The following ZNF320 variants were observed in gnomAD, a reference collection of about 807,000 sequenced individuals.
ZNF320 encodes the protein zinc finger gene 320.
In ZNF320, 2 loss-of-function variants were observed where a neutral mutation model predicts 6.8. That is an observed-to-expected ratio of 0.29 (90% CI 0.12 to 0.93). The LOEUF is 0.93. Among genes scored for constraint, ZNF320 ranks in the 40% least tolerant of loss-of-function variants. The pLI, the probability that ZNF320 is intolerant of heterozygous loss-of-function variation, is 0.55. For missense variants in ZNF320, 472 were observed against 611.0 expected (o/e 0.77, Z 2.40); for synonymous variants, 208 against 203.2 (o/e 1.02, Z -0.20).
chr19:52,884,453 G>A (rs543419921), intron 5 of ZNF320, among the ~76,000 whole-genome samples: 2 of 152,248 alleles, frequency 1.3e-5, no homozygotes, highest in African/African-American at 4.8e-5. Context: ...AAGTAGCTGG[G>A]ATTATAGGCG....
chr19:52,886,434 G>A (rs2064080502), intron 5 of ZNF320, among the ~76,000 whole-genome samples: 1 of 151,980 alleles, frequency 6.6e-6, no homozygotes, highest in Non-Finnish European at 1.5e-5. Context: ...CACCTGGCCA[G>A]GTTATGGAAA....
chr19:52,863,557 G>C lies in ZNF320; in HGVS notation c.*472C>G, dbSNP rs190144981. 5.2e-3 allele frequency among the ~76,000 whole-genome samples: 786 copies of C among 151,178 alleles called. 8 individuals carry two copies. Among genetic ancestry groups the C allele is most frequent in the African/African-American group, 0.016 (668 of 41,182 alleles). Reference sequence around the variant, plus strand: ...GGCAGAGGTTGCAGTGAGCCGAGATGGTGCCACTGCACTCCAGCCTGGGCT... The same window carrying C: ...GGCAGAGGTTGCAGTGAGCCGAGATCGTGCCACTGCACTCCAGCCTGGGCT... On this transcript the variant is annotated 3_prime_UTR_variant, in exon 6 of 6. Coordinates refer to the ZNF320 transcript ENST00000673631.
intron 5 of ZNF320, among the ~76,000 whole-genome samples, chr19:52,866,886 A>AG (rs2063584481): frequency 2.7e-5 from 4 of 148,748 alleles, no homozygotes; most frequent in African/African-American, 1.0e-4. Context: ...AAAAAAAAAA[A>AG]AAAAGAAAAG....
downstream of ZNF320, among the ~76,000 whole-genome samples, chr19:52,873,053 G>A (rs201952502): frequency 2.0e-5 from 3 of 152,102 alleles, no homozygotes; most frequent in East Asian, 5.8e-4. Flanking sequence ...GCCATAGGGC[G>A]GTTTTCTCCT....
rs766231206 is a variant in ZNF320, at chr19:52,880,349, AAAAT to A, written c.*243_*246del. ...GGCGACAGAGCAAGATTCCATCTTA[AAAAT>A]AAATAAATAAATAAAAGAACATACA... On this transcript the variant is annotated 3_prime_UTR_variant, in exon 6 of 6. Transcript: ENST00000682928. The A allele has an allele frequency of 8.8e-5, 35 of 399,010 alleles. No homozygotes were observed. Among genetic ancestry groups the A allele is most frequent in the South Asian group, 9.5e-5 (2 of 21,112 alleles). 24.7% of individuals were successfully genotyped at this position (399,010 alleles called of 1,614,324 possible). A position where few individuals can be genotyped will look rare whatever the true frequency, so the allele number is the denominator to read the frequency against.
At position 52,880,666 on chromosome 19, in the gene ZNF320, T is replaced by C; in HGVS notation, c.1460A>G (p.His487Arg). ...VFSLRSLLAE[H>R]QKIPFGDNCF... ...ATTGTCTCCAAAAGGAATTTTCTGA[T>C]GTTCTGCAAGGAGTGACCTCAGACT... Residue 487 changes from histidine to arginine, a missense_variant, in exon 6 of 6, where the codon CAT (histidine) becomes CGT (arginine). His to Arg is a conservative substitution (Grantham distance 29). Coordinates refer to ENST00000682928, the MANE Select transcript of ZNF320 (RefSeq NM_001351774.2). The C allele has an allele frequency of 1.9e-6, 3 of 1,613,688 alleles. No individual in the cohort carries two copies. Among genetic ancestry groups the C allele is most frequent in the Non-Finnish European group, 2.5e-6 (3 of 1,179,764 alleles).
intron 5 of ZNF320, among the ~76,000 whole-genome samples, chr19:52,869,656 C>T (rs1390948797): frequency 1.3e-5 from 2 of 152,126 alleles, no homozygotes; most frequent in Non-Finnish European, 2.9e-5. Flanking sequence ...CTTGCCTCAG[C>T]CTCCTGAGTA....
At chr19:52,883,836 T>C (rs186501208) in intron 5 of ZNF320, 42 of 314,206 alleles carry the variant, frequency 1.3e-4, no homozygotes, top group African/African-American at 7.8e-4. Flanking sequence ...GAGGCGGAGG[T>C]TGCAGTGAGC....
chr19:52,884,247 C>A (rs1051747870), intron 5 of ZNF320, among the ~76,000 whole-genome samples: 1 of 152,006 alleles, frequency 6.6e-6, no homozygotes, highest in Non-Finnish European at 1.5e-5. Context: ...CTTCCTTTTT[C>A]GTTTATTCTT....
In ZNF320 at chr19:52,881,901, C is replaced by T; in HGVS notation, c.225G>A (p.Gln75=). Residue 75 remains glutamine, a synonymous_variant, in exon 6 of 6, where the codon CAG becomes CAA. Coordinates refer to ENST00000682928, the MANE Select transcript of ZNF320 (RefSeq NM_001351774.2). The part of the protein sequence containing the change: ...NTEVIHTGTL[Q]RQASYHIGAF... ...CTCCAATGTGATAACTTGCTTGTCT[C>T]TGCAATGTCCCTGTGTGGATCACTT... is the stretch of plus-strand genomic sequence containing the variant. 6.2e-7 allele frequency: 1 copy of T among 1,613,496 alleles called. No homozygotes were observed. Among genetic ancestry groups the T allele is most frequent in the Non-Finnish European group, 8.5e-7 (1 of 1,179,614 alleles).
intron 5 of ZNF320, chr19:52,865,497 T>TTATATATGATC (rs2063534037): frequency 7.5e-6 from 1 of 133,610 alleles, no homozygotes; most frequent in South Asian, 2.1e-4. Context: ...ACATATATAT[T>TTATATATGATC]ATACATATAT....
chr19:52,871,253 G>A (rs2063675958), downstream of ZNF320, among the ~76,000 whole-genome samples: 1 of 152,128 alleles, frequency 6.6e-6, no homozygotes, highest in Non-Finnish European at 1.5e-5. Context: ...AGGAGTTTCA[G>A]GCTGCTGTAA....
In ZNF320 at chr19:52,866,385, C is replaced by G. The variant is rs375615796; in HGVS notation, c.224-2226G>C. Among the ~76,000 whole-genome samples, 311 of 151,820 alleles carry G rather than the reference C, an allele frequency of 2.0e-3. 1 individual carries two copies. Among genetic ancestry groups the G allele is most frequent in the Non-Finnish European group, 3.5e-3 (238 of 67,982 alleles). ...AAACCCCTCCTGCAGGAACCCTCCA[C>G]ATACATGTAGTGAAGTCAACACACT... On this transcript the variant is annotated intron_variant, in intron 5 of 5. Coordinates refer to the ZNF320 transcript ENST00000673631.
At chr19:52,889,045 G>C (rs764305870) in intron 4 of ZNF320, among the ~76,000 whole-genome samples, 1 of 151,998 alleles carries the variant, frequency 6.6e-6, no homozygotes, top group Non-Finnish European at 1.5e-5. Context: ...TTAGCTGGGC[G>C]TGGTGGCACG....
upstream of ZNF320, among the ~76,000 whole-genome samples, chr19:52,899,407 CTT>C (rs145370272): frequency 0.019 from 2,828 of 152,244 alleles, 95 homozygotes; most frequent in African/African-American, 0.065. Context: ...TTTCTACAAA[CTT>C]TTCCTTCAGC....
intron 5 of ZNF320, among the ~76,000 whole-genome samples, chr19:52,869,531 A>G (rs2063641029): frequency 6.6e-6 from 1 of 151,984 alleles, no homozygotes; most frequent in Non-Finnish European, 1.5e-5. Flanking sequence ...AATAATAATA[A>G]TGACAGGTTT....
rs1172521182 is a variant in ZNF320, at chr19:52,879,818, T to C, written c.*778A>G. 2 of 151,440 alleles carry C rather than the reference T, an allele frequency of 1.3e-5. No individual in the cohort carries two copies. The highest frequency in any genetic ancestry group is 2.9e-5 in the Non-Finnish European group (2 of 67,852). The allele number at this position is 151,440 out of a possible 1,614,324, so 9.4% of individuals were successfully genotyped here. A position where few individuals can be genotyped will look rare whatever the true frequency, so the allele number is the denominator to read the frequency against. On this transcript the variant is annotated 3_prime_UTR_variant, in exon 6 of 6. Coordinates refer to ENST00000682928, the MANE Select transcript of ZNF320 (RefSeq NM_001351774.2). ...AACAATAAACAATTTAAAAAGAAAA[T>C]TAAAAAAACACTTTCATTTGCTAAA...
intron 1 of ZNF320, among the ~76,000 whole-genome samples, chr19:52,896,971 G>A (rs766715710): frequency 2.0e-4 from 31 of 152,164 alleles, no homozygotes; most frequent in Admixed American, 7.2e-4. Context: ...CTCCGGCCTC[G>A]GGCCAATTCA....
At chr19:52,871,490 C>G (rs1324878938), downstream of ZNF320, among the ~76,000 whole-genome samples, 1 of 152,066 alleles carries the variant, frequency 6.6e-6, no homozygotes, top group African/African-American at 2.4e-5. Context: ...CTGCATTCCA[C>G]CCTAAGTGAC....
Sources: gnomAD v4.1 joint callset for allele counts (sites outside exome capture counted in the v4.1 genomes callset) on GRCh38, gnomAD v4.1.1 for gene constraint, MANE v1.5 for transcripts, NCBI Gene and HGNC (gene_info 2026-07-23, HGNC 2026-07-21) for gene names.